Variants in ADCY9 observed in about 807,000 individuals in gnomAD.
ADCY9 encodes adenylate cyclase type 9.
A neutral mutation model predicts 101.5 loss-of-function variants in ADCY9; 50 were observed. That is an observed-to-expected ratio of 0.49 (90% confidence interval 0.39 to 0.62). ADCY9 has a LOEUF of 0.62. ADCY9 is among the 20% of genes least tolerant of loss of function. The probability of loss-of-function intolerance (pLI) is 0.00; values close to 1 mark genes in which losing one functional copy is unlikely to be tolerated. For synonymous variants in ADCY9, 905 were observed against 769.3 expected (o/e 1.18, Z -2.92); for missense variants, 1,662 against 1,800.4 (o/e 0.92, Z 1.39).
intron 6 of ADCY9, among the ~76,000 whole-genome samples, chr16:3,985,179 C>T (rs1445095403): frequency 6.4e-5 from 9 of 141,634 alleles, no homozygotes; most frequent in African/African-American, 2.4e-4. Context: ...ATCTGGCTGT[C>T]GCCAGGCTGG....
intron 2 of ADCY9, among the ~76,000 whole-genome samples, chr16:4,065,685 C>T (rs965871625): frequency 6.6e-6 from 1 of 152,250 alleles, no homozygotes; most frequent in Non-Finnish European, 1.5e-5. Flanking sequence ...AATTCTGCCT[C>T]AGCCTCCCGA....
At chr16:4,027,715 A>AG (rs2141750028) in intron 2 of ADCY9, among the ~76,000 whole-genome samples, 1 of 152,276 alleles carries the variant, frequency 6.6e-6, no homozygotes, top group South Asian at 2.1e-4. Flanking sequence ...CATCTCTACT[A>AG]GTAAAACAAA....
chr16:4,081,719 T>A (rs544186696), intron 2 of ADCY9, among the ~76,000 whole-genome samples: 254 of 145,826 alleles, frequency 1.7e-3, no homozygotes, highest in Middle Eastern at 7.0e-3. Flanking sequence ...GGGCGCTGTG[T>A]CTGCAGGGGC....
At chr16:4,010,555 G>T (rs1597162968) in intron 2 of ADCY9, among the ~76,000 whole-genome samples, 1 of 152,214 alleles carries the variant, frequency 6.6e-6, no homozygotes, top group South Asian at 2.1e-4. Flanking sequence ...ACTACACACT[G>T]ATGGGTGCAG....
chr16:3,996,612 G>T (rs1213743722), intron 3 of ADCY9, among the ~76,000 whole-genome samples: 3 of 152,192 alleles, frequency 2.0e-5, no homozygotes, highest in Non-Finnish European at 4.4e-5. Context: ...AGCGTCTGCT[G>T]CACTTGGCTC....
At chr16:4,098,433 C>T (rs445844) in intron 2 of ADCY9, among the ~76,000 whole-genome samples, 38,296 of 151,780 alleles carry the variant, frequency 0.25, 5,345 homozygotes, top group Non-Finnish European at 0.31. Context: ...GGGGTTTCAC[C>T]ATGTTGGCCA....
chr16:4,025,298 C>T (rs963537287), intron 2 of ADCY9, among the ~76,000 whole-genome samples: 18 of 149,672 alleles, frequency 1.2e-4, no homozygotes, highest in Middle Eastern at 3.5e-3. Context: ...GCCTTGAACC[C>T]GGGAGGTGGA....
chr16:3,982,696 C>G (rs1007138732), intron 7 of ADCY9: 10 of 155,956 alleles, frequency 6.4e-5, no homozygotes, highest in African/African-American at 2.4e-4. Context: ...GTGTTCCCTC[C>G]CGTTCTGTGG....
intron 3 of ADCY9, among the ~76,000 whole-genome samples, chr16:3,999,390 G>GC (rs1464836313): frequency 1.3e-5 from 2 of 152,242 alleles, no homozygotes; most frequent in African/African-American, 2.4e-5. Flanking sequence ...CTGTGAGGCA[G>GC]CAATGATCAT....
chr16:4,102,973 C>T (rs2057053218), intron 2 of ADCY9, among the ~76,000 whole-genome samples: 1 of 152,196 alleles, frequency 6.6e-6, no homozygotes, highest in South Asian at 2.1e-4. Context: ...CCACCCACCT[C>T]GGCCTCCCAA....
chr16:3,993,708 C>G (rs534023702), intron 3 of ADCY9, among the ~76,000 whole-genome samples, 198 bp from the exon 4 acceptor site: 1 of 152,116 alleles, frequency 6.6e-6, no homozygotes, highest in Non-Finnish European at 1.5e-5. Context: ...CGGGCACGAA[C>G]GCAACAGGAC....
chr16:4,022,590 G>A (rs1018040218), intron 2 of ADCY9, among the ~76,000 whole-genome samples: 7 of 149,328 alleles, frequency 4.7e-5, no homozygotes, highest in Admixed American at 6.7e-5. Flanking sequence ...ATATTTGTAT[G>A]TGTATATCCG....
intron 2 of ADCY9, among the ~76,000 whole-genome samples, chr16:4,063,771 C>T (rs1479404672): frequency 2.7e-5 from 4 of 147,828 alleles, no homozygotes; most frequent in Non-Finnish European, 6.0e-5. Flanking sequence ...GGAGAGTAAA[C>T]TAAATCCCAA....
intron 2 of ADCY9, among the ~76,000 whole-genome samples, chr16:4,082,679 T>G (rs1000521325): frequency 6.9e-6 from 1 of 145,740 alleles, no homozygotes; most frequent in Non-Finnish European, 1.5e-5. Context: ...TGCACACCCA[T>G]GCATGCATGC....
chr16:4,099,999 T>C (rs920781922), intron 2 of ADCY9, among the ~76,000 whole-genome samples: 3 of 152,090 alleles, frequency 2.0e-5, no homozygotes. Context: ...TAGCTCTGTG[T>C]CCCCACCCAA....
At chr16:4,085,884 C>A (rs368392022) in intron 2 of ADCY9, among the ~76,000 whole-genome samples, 3 of 151,754 alleles carry the variant, frequency 2.0e-5, no homozygotes, top group Non-Finnish European at 2.9e-5. Context: ...TCCACCCATG[C>A]GTGTCCAGGG....
At chr16:4,074,613 C>T (rs372005012) in intron 2 of ADCY9, among the ~76,000 whole-genome samples, 3 of 148,862 alleles carry the variant, frequency 2.0e-5, no homozygotes, top group African/African-American at 4.9e-5. Flanking sequence ...GCTACTTGGG[C>T]GACAGAGGCG....
At chr16:4,074,437 G>C (rs1268660333) in intron 2 of ADCY9, among the ~76,000 whole-genome samples, 1 of 151,620 alleles carries the variant, frequency 6.6e-6, no homozygotes, top group Non-Finnish European at 1.5e-5. Context: ...GCTCATGCCT[G>C]TAATCCCAGC....
At chr16:3,988,747 C>A (rs2056219099) in intron 6 of ADCY9, among the ~76,000 whole-genome samples, 1 of 152,084 alleles carries the variant, frequency 6.6e-6, no homozygotes, top group South Asian at 2.1e-4. Context: ...GGAGATGCCA[C>A]GGCAGAGGAA....
Sources: allele counts gnomAD v4.1 joint callset (sites outside exome capture counted in the v4.1 genomes callset), GRCh38; gene constraint gnomAD v4.1.1; transcripts MANE v1.5; gene names NCBI Gene and HGNC (gene_info 2026-07-23, HGNC 2026-07-21).